MNDA: variants seen among roughly 807,000 people sequenced by gnomAD.
The protein encoded by MNDA is epididymis secretory sperm binding protein.
MNDA carries 43 observed loss-of-function variants against 37.8 expected under a neutral mutation model. The observed-to-expected ratio is 1.14, with a 90% CI of 0.89 to 1.47. The LOEUF is 1.47. Among genes scored for constraint, MNDA ranks in the 40% most tolerant of loss-of-function variants. MNDA has a pLI of 0.00. For synonymous variants in MNDA, 181 were observed against 169.0 expected, an observed-to-expected ratio of 1.07 and a Z score of -0.55; for missense variants, 536 against 476.0, an observed-to-expected ratio of 1.13 and a Z score of -1.17.
intron 1 of MNDA, among the ~76,000 whole-genome samples, chr1:158,841,335 CA>C (rs1659024803): frequency 6.6e-6 from 1 of 152,116 alleles, no homozygotes; most frequent in Non-Finnish European, 1.5e-5. Flanking sequence ...AATCAAAACT[CA>C]TTGAAGGATT....
chr1:158,846,080 T>C lies in MNDA; in HGVS notation c.987+77T>C, dbSNP rs778395525. ...GTCTTAATTTGCCAGACTTACTGTC[T>C]GAATATTGGAACACAAGAATTTATA... On this transcript the variant is annotated intron_variant, in intron 5 of 6. Coordinates refer to ENST00000368141, the MANE Select transcript of MNDA (RefSeq NM_002432.3). 8 of 1,318,342 alleles carry C rather than the reference T, an allele frequency of 6.1e-6. No individual in the cohort carries two copies. The African/African-American group carries it at 8.9e-5, about 15-fold the overall frequency. 81.7% of individuals were successfully genotyped at this position (1,318,342 alleles called of 1,614,324 possible).
chr1:158,834,034 T>C (rs1376628521), intron 1 of MNDA, among the ~76,000 whole-genome samples: 3 of 152,188 alleles, frequency 2.0e-5, no homozygotes, highest in Admixed American at 1.3e-4. Flanking sequence ...AGTTATTTTT[T>C]TGACAGTACC....
intron 1 of MNDA, among the ~76,000 whole-genome samples, chr1:158,841,296 C>G (rs1031647800): frequency 2.0e-5 from 3 of 152,100 alleles, no homozygotes; most frequent in Non-Finnish European, 4.4e-5. Context: ...CCTTTCAAGT[C>G]ATGCTGAGTA....
chr1:158,845,138 A>G (rs528714591), intron 4 of MNDA, among the ~76,000 whole-genome samples: 3 of 152,258 alleles, frequency 2.0e-5, no homozygotes, highest in Admixed American at 1.3e-4. Flanking sequence ...AGCTCCAAAT[A>G]TCTGTGAAAG....
intron 1 of MNDA, among the ~76,000 whole-genome samples, chr1:158,834,064 G>A (rs1658858898): frequency 6.6e-6 from 1 of 152,074 alleles, no homozygotes; most frequent in East Asian, 1.9e-4. Flanking sequence ...CATCCTAGGA[G>A]CTCCGATGTT....
intron 1 of MNDA, among the ~76,000 whole-genome samples, chr1:158,839,741 C>G (rs988587000): frequency 2.6e-5 from 4 of 152,180 alleles, no homozygotes; most frequent in African/African-American, 4.8e-5. Context: ...AAGTTTTCCA[C>G]TATTTTGAAT....
chr1:158,844,075 C>T lies in MNDA; in HGVS notation c.523C>T (p.Leu175=), dbSNP rs745621779. The T allele has an allele frequency of 6.2e-7, 1 of 1,612,982 alleles. No homozygotes were observed. Among genetic ancestry groups the T allele is most frequent in the Non-Finnish European group, 8.5e-7 (1 of 1,179,572 alleles). ...ATCTGCAGCTGTGGATCATCCCCCA[C>T]TACCCCAGACCTCATCATCAACTCC... ...STSAAVDHPP[L]PQTSSSTPSN... is the part of the protein sequence containing the mutation. The change falls in exon 4 of 7, where the codon CTA becomes TTA. Residue 175 remains leucine, a synonymous_variant. Transcript: ENST00000368141.
chr1:158,833,751 A>G (rs922060072), intron 1 of MNDA, among the ~76,000 whole-genome samples: 4 of 152,234 alleles, frequency 2.6e-5, no homozygotes, highest in African/African-American at 7.2e-5. Flanking sequence ...TCATTCATCC[A>G]TTGAAGGACA....
In MNDA at chr1:158,844,113, G is replaced by A. The variant is rs761236811; in HGVS notation, c.561G>A (p.Ser187=). The A allele has an allele frequency of 2.1e-5, 33 of 1,576,328 alleles. No individual in the cohort carries two copies. Among genetic ancestry groups the A allele is most frequent in the Middle Eastern group, 1.7e-4 (1 of 5,900 alleles). Residue 187 remains serine, a synonymous_variant, in exon 4 of 7, where the codon TCG becomes TCA. Coordinates refer to ENST00000368141, the MANE Select transcript of MNDA (RefSeq NM_002432.3). ...QTSSSTPSNT[S]FTPNQETQAQ... ...CATCATCAACTCCATCCAACACTTC[G>A]TTTACTCCGGTACACTCTTCCTGGT...
intron 1 of MNDA, among the ~76,000 whole-genome samples, chr1:158,839,727 C>T (rs1658992197): frequency 6.6e-6 from 1 of 152,254 alleles, no homozygotes; most frequent in South Asian, 2.1e-4. Flanking sequence ...AGAAAAACAC[C>T]TAGAAGTTTT....
intron 1 of MNDA, among the ~76,000 whole-genome samples, chr1:158,833,293 G>C (rs902679375): frequency 1.1e-4 from 16 of 152,314 alleles, no homozygotes; most frequent in African/African-American, 3.8e-4. Flanking sequence ...GCTTCTGAAA[G>C]CTTTGAATAT....
intron 5 of MNDA, among the ~76,000 whole-genome samples, chr1:158,846,209 GT>G (rs1279829788): frequency 1.4e-4 from 22 of 152,198 alleles, no homozygotes; most frequent in Admixed American, 1.4e-3. Flanking sequence ...TTGAAAAAAA[GT>G]TAGTAAGAAA....
intron 2 of MNDA, among the ~76,000 whole-genome samples, 164 bp from the exon 3 acceptor site, chr1:158,843,115 G>A (rs1002057464): frequency 1.2e-4 from 18 of 152,204 alleles, no homozygotes; most frequent in African/African-American, 4.3e-4. Context: ...CCATGCTGCT[G>A]TTGGCCTCCT....
intron 1 of MNDA, 27 bp from the exon 2 acceptor site, chr1:158,842,107 A>C: frequency 1.3e-6 from 2 of 1,545,674 alleles, no homozygotes; most frequent in Non-Finnish European, 1.7e-6. Context: ...TAAATGTGTA[A>C]TGTTGTGTGT....
chr1:158,842,456 G>T (rs1225171122), intron 2 of MNDA, 38 bp downstream of exon 2: 8 of 1,573,866 alleles, frequency 5.1e-6, no homozygotes, highest in Middle Eastern at 1.7e-4. Flanking sequence ...ACTCTGCCTT[G>T]AGTCTCCCCA....
chr1:158,839,399 T>C (rs16841142), intron 1 of MNDA, among the ~76,000 whole-genome samples: 4,024 of 152,252 alleles, frequency 0.026, 182 homozygotes, highest in African/African-American at 0.089. Flanking sequence ...CCTTAGATGT[T>C]CTACTGTATT....
At chr1:158,835,545 A>T (rs1414963641) in intron 1 of MNDA, among the ~76,000 whole-genome samples, 1 of 141,632 alleles carries the variant, frequency 7.1e-6, no homozygotes, top group Non-Finnish European at 1.5e-5. Flanking sequence ...TCACCAGTAA[A>T]GAGAGAGAAT....
rs1053840820 is a variant in MNDA at position 158,833,861 on chromosome 1, A to G, written c.-21+2304A>G. Among the ~76,000 whole-genome samples, 3 of 152,220 alleles carry G rather than the reference A, an allele frequency of 2.0e-5. No individual in the cohort carries two copies. In the East Asian group the frequency reaches 5.8e-4, roughly 29 times the overall value. ...TCACACTTTCACTTATTTTGGGAAT[A>G]TATCTAGAAGTGAAATTACTGAATC... On this transcript the variant is annotated intron_variant, in intron 1 of 6. Transcript: ENST00000368141.
At chr1:158,843,918 C>G (rs948028192) in intron 3 of MNDA, 37 bp from the exon 4 acceptor site, 2 of 1,528,310 alleles carry the variant, frequency 1.3e-6, no homozygotes, top group African/African-American at 2.8e-5. Context: ...TCTTTTGATA[C>G]TAAACTCCAT....
Sources: gnomAD v4.1 joint callset for allele counts (sites outside exome capture counted in the v4.1 genomes callset) on GRCh38, gnomAD v4.1.1 for gene constraint, MANE v1.5 for transcripts, NCBI Gene and HGNC (gene_info 2026-07-23, HGNC 2026-07-21) for gene names.